NGEF: variants seen among roughly 807,000 people sequenced by gnomAD.
The protein encoded by NGEF is ephexin-1.
In NGEF, 31 loss-of-function variants were observed where a neutral mutation model predicts 80.9. The observed-to-expected ratio is 0.38, with a 90% CI of 0.29 to 0.52. The LOEUF (loss-of-function observed/expected upper bound fraction) is 0.52, where lower values mean the gene tolerates loss of function less well. NGEF is among the 20% of genes least tolerant of loss of function. The probability of loss-of-function intolerance (pLI) is 0.84; values close to 1 mark genes in which losing one functional copy is unlikely to be tolerated. For synonymous variants in NGEF, 371 were observed against 370.2 expected, an observed-to-expected ratio of 1.00 and a Z score of -0.03; for missense variants, 709 against 926.2, an observed-to-expected ratio of 0.77 and a Z score of 3.04.
chr2:232,991,167 T>C (rs1275601365), intron 1 of NGEF, among the ~76,000 whole-genome samples: 1 of 151,998 alleles, frequency 6.6e-6, no homozygotes, highest in Non-Finnish European at 1.5e-5. Context: ...TCTCTTAAGA[T>C]CAGGAAGAAG....
chr2:232,885,604 C>T, intron 9 of NGEF: 1 of 543,760 alleles, frequency 1.8e-6, no homozygotes, highest in East Asian at 3.1e-5. Context: ...GTGCCTTGCC[C>T]TTGCTAGGAA....
rs529262681 is a variant in NGEF at position 232,979,676 on chromosome 2, G to A, written c.-74-4712C>T. ...TGATTGAGGGAGGGTGCAGCTCATG[G>A]TGCACTTGCATTCATTCATTCATTC... On this transcript the variant is annotated intron_variant, in intron 1 of 14. Coordinates refer to ENST00000264051, the MANE Select transcript of NGEF (RefSeq NM_019850.3). Among the ~76,000 whole-genome samples the A allele has an allele frequency of 6.4e-4, 98 of 152,176 alleles. 1 individual carries two copies. The highest frequency in any genetic ancestry group is 2.3e-3 in the African/African-American group (94 of 41,524).
chr2:232,895,603 G>A (rs1401557039), intron 5 of NGEF, among the ~76,000 whole-genome samples: 1 of 152,000 alleles, frequency 6.6e-6, no homozygotes, highest in Non-Finnish European at 1.5e-5. Context: ...TGCTCTGGGT[G>A]TGCTAGTGGG....
chr2:232,965,243 C>T (rs371967688), intron 3 of NGEF, among the ~76,000 whole-genome samples: 62 of 152,212 alleles, frequency 4.1e-4, no homozygotes, highest in African/African-American at 1.2e-3. Flanking sequence ...AAATTTAGAT[C>T]ATGAAACCTG....
At chr2:232,904,877 A>C (rs1050445041) in intron 5 of NGEF, among the ~76,000 whole-genome samples, 5 of 152,150 alleles carry the variant, frequency 3.3e-5, no homozygotes, top group Non-Finnish European at 5.9e-5. Context: ...CAGGAGTTCA[A>C]GGCTTCAGTG....
In NGEF at chr2:232,953,628, C is replaced by G. The variant is rs145380245; in HGVS notation, c.383+16586G>C. Among the ~76,000 whole-genome samples the G allele has an allele frequency of 3.0e-3, 453 of 152,134 alleles. 1 individual carries two copies. Among genetic ancestry groups the G allele is most frequent in the African/African-American group, 0.01 (422 of 41,500 alleles). ...CCTGGCTGCCTGCCTAGGGGGAGAT[C>G]TGCCCAGAGCCGGGGTCTTCTCCCA... On this transcript the variant is annotated intron_variant, in intron 3 of 14. Transcript: ENST00000264051.
chr2:232,938,439 T>A (rs556151483), intron 3 of NGEF, among the ~76,000 whole-genome samples: 1 of 152,180 alleles, frequency 6.6e-6, no homozygotes, highest in African/African-American at 2.4e-5. Context: ...TCTGAAACTA[T>A]GGAAAATGAG....
At chr2:232,929,575 G>A (rs987736889) in intron 3 of NGEF, among the ~76,000 whole-genome samples, 1 of 152,144 alleles carries the variant, frequency 6.6e-6, no homozygotes, top group Admixed American at 6.5e-5. Context: ...TGCCCTTAAG[G>A]CCTGAGAATA....
Position 232,879,654 on chromosome 2 carries a change from G to A in NGEF, c.1968C>T (p.His656=), listed in dbSNP as rs141667543. The A allele has an allele frequency of 2.9e-5, 47 of 1,612,794 alleles. No individual in the cohort carries two copies. Among genetic ancestry groups the A allele is most frequent in the African/African-American group, 1.5e-4 (11 of 74,940 alleles). ...TGGGGAACCAGCCTCTCTCCTGGTC[G>A]TGCAGACGCTCGCCAAAGATCCACC... The part of the protein sequence containing the change: ...DDGWIFGERL[H]DQERGWFPSS... Residue 656 remains histidine, a synonymous_variant, in exon 15 of 15, where the codon CAC becomes CAT. Transcript: ENST00000264051.
In NGEF at chr2:232,946,928, A is replaced by AAACC. The variant is rs1693572366; in HGVS notation, c.384-19743_384-19742insGGTT. ...ACTCGAAAACAAAAGAAAACAAACC[A>AAACC]AAAAACAAAGGAAGGGTCTTCTTCA... On this transcript the variant is annotated intron_variant, in intron 3 of 14. Coordinates refer to ENST00000264051, the MANE Select transcript of NGEF (RefSeq NM_019850.3). Among the ~76,000 whole-genome samples, 3 of 151,586 alleles carry AAACC rather than the reference A, an allele frequency of 2.0e-5. No homozygotes were observed. The South Asian group carries it at 6.2e-4, about 32-fold the overall frequency.
At chr2:232,901,231 G>T in intron 5 of NGEF, 1 of 333,932 alleles carries the variant, frequency 3.0e-6, no homozygotes, top group Non-Finnish European at 4.3e-6. Flanking sequence ...CATGGGCCAT[G>T]CTGCCTGGCC....
intron 1 of NGEF, among the ~76,000 whole-genome samples, chr2:232,996,623 C>G (rs1349850680): frequency 6.6e-6 from 1 of 152,198 alleles, no homozygotes; most frequent in Non-Finnish European, 1.5e-5. Context: ...GATGGTTTCA[C>G]ACAAAAAGAC....
intron 3 of NGEF, among the ~76,000 whole-genome samples, chr2:232,965,863 C>T (rs749740401): frequency 1.3e-5 from 2 of 151,984 alleles, no homozygotes; most frequent in Non-Finnish European, 2.9e-5. Flanking sequence ...GCCACCAAGA[C>T]AGAAGGGGGC....
intron 5 of NGEF, among the ~76,000 whole-genome samples, chr2:232,918,993 T>C (rs1295848574): frequency 6.6e-6 from 1 of 152,242 alleles, no homozygotes; most frequent in Non-Finnish European, 1.5e-5. Context: ...TACAAATCAC[T>C]GCTCACAAGT....
intron 4 of NGEF, among the ~76,000 whole-genome samples, chr2:232,925,683 C>T (rs1373428429): frequency 2.6e-5 from 4 of 152,170 alleles, no homozygotes; most frequent in Admixed American, 1.3e-4. Context: ...CTGATCTTAG[C>T]CAAAGAGGAG....
chr2:232,971,379 G>A lies in NGEF; in HGVS notation c.269-1051C>T, dbSNP rs56666517. On this transcript the variant is annotated intron_variant, in intron 2 of 14. Transcript: ENST00000264051. ...CGCTCCAAGGAGGTGACATGAAGGA[G>A]TCACTGTAAAAATAAAACTGTAAGG... Among the ~76,000 whole-genome samples, 764 of 152,272 alleles carry A rather than the reference G, an allele frequency of 5.0e-3. 9 individuals carry two copies. Among genetic ancestry groups the A allele is most frequent in the African/African-American group, 0.017 (719 of 41,568 alleles).
At chr2:232,905,666 T>C (rs1692489341) in intron 5 of NGEF, 1 of 372,926 alleles carries the variant, frequency 2.7e-6, no homozygotes, top group African/African-American at 2.3e-5. Flanking sequence ...GGAGCGCCTC[T>C]TCCCGGCCGC....
At chr2:232,888,968 T>C (rs1172523455) in intron 8 of NGEF, among the ~76,000 whole-genome samples, 1 of 152,170 alleles carries the variant, frequency 6.6e-6, no homozygotes, top group East Asian at 1.9e-4. Context: ...GCTTTTGTCC[T>C]GTAAGTAGGC....
At chr2:232,883,198 C>T in intron 12 of NGEF, 113 bp downstream of exon 12, 1 of 1,326,912 alleles carries the variant, frequency 7.5e-7, no homozygotes. Context: ...CAGGTCGGCT[C>T]CACACAGAGC....
Sources: allele counts gnomAD v4.1 joint callset (sites outside exome capture counted in the v4.1 genomes callset), GRCh38; gene constraint gnomAD v4.1.1; transcripts MANE v1.5; gene names NCBI Gene and HGNC (gene_info 2026-07-23, HGNC 2026-07-21).